Variants in SERGEF observed in about 807,000 individuals in gnomAD.
SERGEF encodes secretion regulating guanine nucleotide exchange factor, also known as secretion-regulating guanine nucleotide exchange factor.
Under a neutral mutation model 50.0 loss-of-function variants are expected in SERGEF, and 51 were observed. The ratio of observed to expected loss-of-function variants is 1.02; its 90% CI spans 0.81 to 1.29. The LOEUF (loss-of-function observed/expected upper bound fraction) is 1.29. SERGEF is among the 50% of genes most tolerant of loss of function. The probability of loss-of-function intolerance (pLI) is 0.00; values close to 1 mark genes in which losing one functional copy is unlikely to be tolerated. For missense variants in SERGEF, 521 were observed against 557.0 expected (o/e 0.94, Z 0.65); for synonymous variants, 205 against 212.4 (o/e 0.97, Z 0.30).
At chr11:17,851,057 T>C (rs1158924800) in intron 10 of SERGEF, among the ~76,000 whole-genome samples, 6 of 152,158 alleles carry the variant, frequency 3.9e-5, no homozygotes, top group Non-Finnish European at 8.8e-5. Flanking sequence ...ATACCTACCT[T>C]AGATAAATTA....
At chr11:17,958,373 C>T (rs1852919025) in intron 9 of SERGEF, among the ~76,000 whole-genome samples, 1 of 152,130 alleles carries the variant, frequency 6.6e-6, no homozygotes, top group South Asian at 2.1e-4. Context: ...GGCACATTTC[C>T]TGTGTGGCCA....
At chr11:17,992,893 T>C (rs766075320) in intron 7 of SERGEF, 38 bp downstream of exon 7, 22 of 1,566,394 alleles carry the variant, frequency 1.4e-5, no homozygotes, top group Non-Finnish European at 1.9e-5. Context: ...TACAGAATCC[T>C]GAATGGCATG....
intron 9 of SERGEF, among the ~76,000 whole-genome samples, chr11:17,924,255 G>C (rs1329730953): frequency 6.6e-6 from 1 of 152,186 alleles, no homozygotes; most frequent in Non-Finnish European, 1.5e-5. Context: ...TCTGAGAGCA[G>C]AAAGGAAAGC....
intron 4 of SERGEF, chr11:18,000,793 G>A (rs948693241): frequency 2.0e-5 from 13 of 659,442 alleles, no homozygotes; most frequent in African/African-American, 2.0e-4. Context: ...TCAGGGCTGG[G>A]AGGCACTTCT....
chr11:17,953,117 A>G (rs1022670375), intron 9 of SERGEF, among the ~76,000 whole-genome samples: 1 of 150,530 alleles, frequency 6.6e-6, no homozygotes, highest in Non-Finnish European at 1.5e-5. Flanking sequence ...GGGATTGAAA[A>G]TGCCAGAAAG....
intron 9 of SERGEF, among the ~76,000 whole-genome samples, chr11:17,882,186 C>CG (rs1383341642): frequency 5.3e-5 from 8 of 152,000 alleles, no homozygotes; most frequent in Non-Finnish European, 1.2e-4. Flanking sequence ...GAGGCCAAGG[C>CG]GGGGGGATCG....
intron 10 of SERGEF, among the ~76,000 whole-genome samples, chr11:17,848,210 G>A (rs2133869284): frequency 6.6e-6 from 1 of 152,290 alleles, no homozygotes; most frequent in East Asian, 1.9e-4. Flanking sequence ...GGACATATGT[G>A]TTAGAGCCAA....
intron 9 of SERGEF, among the ~76,000 whole-genome samples, chr11:17,905,903 A>T (rs1851831879): frequency 6.6e-6 from 1 of 152,230 alleles, no homozygotes; most frequent in South Asian, 2.1e-4. Flanking sequence ...GAAATTCTGA[A>T]ATAGATTCCA....
chr11:17,788,057 GA>G lies in SERGEF; in HGVS notation c.*27del. 1 of 1,485,846 alleles carries G rather than the reference GA, an allele frequency of 6.7e-7. No homozygotes were observed. Among genetic ancestry groups the G allele is most frequent in the Non-Finnish European group, 9.0e-7 (1 of 1,109,210 alleles). The allele number at this position is 1,485,846 out of a possible 1,614,324, so 92.0% of individuals were successfully genotyped here. A position where few individuals can be genotyped will look rare whatever the true frequency, so the allele number is the denominator to read the frequency against. On this transcript the variant is annotated 3_prime_UTR_variant, in exon 11 of 11. Transcript: ENST00000265965. The stretch of plus-strand genomic sequence containing the variant: ...AATTCTCTGGGAAGGCTTTTGGTGG[GA>G]AAAGCCACTTTATTAAAGATTCTCT...
At chr11:17,919,180 T>G (rs1465773712) in intron 9 of SERGEF, among the ~76,000 whole-genome samples, 1 of 152,204 alleles carries the variant, frequency 6.6e-6, no homozygotes, top group Non-Finnish European at 1.5e-5. Flanking sequence ...CTTTGAGCAT[T>G]AGTAAATTCT....
intron 10 of SERGEF, among the ~76,000 whole-genome samples, chr11:17,807,293 A>G (rs2133831360): frequency 6.6e-6 from 1 of 151,884 alleles, no homozygotes; most frequent in South Asian, 2.1e-4. Context: ...CGGCAGTGCC[A>G]TGCCAGGCTG....
At chr11:17,890,669 C>A (rs1851516600) in intron 9 of SERGEF, among the ~76,000 whole-genome samples, 1 of 152,178 alleles carries the variant, frequency 6.6e-6, no homozygotes, top group African/African-American at 2.4e-5. Context: ...GATACTCCCA[C>A]CTCCCAGGCT....
At chr11:17,868,675 C>A (rs1851076354) in intron 10 of SERGEF, among the ~76,000 whole-genome samples, 1 of 152,164 alleles carries the variant, frequency 6.6e-6, no homozygotes, top group Non-Finnish European at 1.5e-5. Context: ...ATACCTGAGA[C>A]TGGGCAATTT....
chr11:17,802,671 T>G (rs905952630), intron 10 of SERGEF, among the ~76,000 whole-genome samples: 1 of 152,122 alleles, frequency 6.6e-6, no homozygotes, highest in African/African-American at 2.4e-5. Context: ...TGGCCAGTCA[T>G]GCTTCCAGCT....
intron 9 of SERGEF, among the ~76,000 whole-genome samples, chr11:17,949,635 T>C (rs1852735504): frequency 6.6e-6 from 1 of 151,780 alleles, no homozygotes; most frequent in Admixed American, 6.6e-5. Flanking sequence ...AGGGAGAAAG[T>C]GTTTAGGAAA....
chr11:17,940,116 A>G (rs1269825422), intron 9 of SERGEF, among the ~76,000 whole-genome samples: 1 of 152,188 alleles, frequency 6.6e-6, no homozygotes, highest in African/African-American at 2.4e-5. Context: ...AAGAAAGCTG[A>G]ATGGGAAGAG....
intron 9 of SERGEF, among the ~76,000 whole-genome samples, chr11:17,924,610 A>G (rs1402941520): frequency 1.3e-5 from 2 of 151,632 alleles, no homozygotes; most frequent in African/African-American, 4.8e-5. Context: ...GAGGGTAGAA[A>G]AAAGGGGTAA....
At chr11:17,931,133 A>C (rs534167682) in intron 9 of SERGEF, among the ~76,000 whole-genome samples, 34 of 152,254 alleles carry the variant, frequency 2.2e-4, no homozygotes, top group African/African-American at 7.7e-4. Context: ...TCTGTATTTC[A>C]GGTATTCTTT....
chr11:17,949,063 C>A (rs1345794083), intron 9 of SERGEF, among the ~76,000 whole-genome samples: 1 of 152,154 alleles, frequency 6.6e-6, no homozygotes, highest in Non-Finnish European at 1.5e-5. Context: ...TCACAATTCA[C>A]CAGTCCCTCT....
Sources: gnomAD v4.1 joint callset for allele counts (sites outside exome capture counted in the v4.1 genomes callset) on GRCh38, gnomAD v4.1.1 for gene constraint, MANE v1.5 for transcripts, NCBI Gene and HGNC (gene_info 2026-07-23, HGNC 2026-07-21) for gene names.